VWF: variants seen among roughly 807,000 people sequenced by gnomAD.
VWF encodes Factor VIII related antigen.
A neutral mutation model predicts 308.6 loss-of-function variants in VWF; 176 were observed. The observed-to-expected ratio is 0.57, with a 90% CI of 0.50 to 0.65. The LOEUF (loss-of-function observed/expected upper bound fraction) is 0.65. Ranked by LOEUF, VWF falls within the 30% of genes least tolerant of loss-of-function variation. The probability of loss-of-function intolerance (pLI) is 0.00; values close to 1 mark genes in which losing one functional copy is unlikely to be tolerated. For missense variants in VWF, 3,146 were observed against 3,648.2 expected (o/e 0.86, Z 3.55); for synonymous variants, 1,385 against 1,443.4 (o/e 0.96, Z 0.92).
chr12:5,994,629 C>A, intron 35 of VWF, 22 bp from the exon 36 acceptor site: 1 of 1,612,114 alleles, frequency 6.2e-7, no homozygotes, highest in Non-Finnish European at 8.5e-7. Flanking sequence ...AGAAAGAGCT[C>A]ATCCGTAGTC....
At position 6,110,931 on chromosome 12, in the gene VWF, C is replaced by G. The variant is rs768147964; in HGVS notation, c.258G>C (p.Val86=). The change falls in exon 4 of 52, where the codon GTG becomes GTC. Residue 86 remains valine, a synonymous_variant. Coordinates refer to ENST00000261405, the MANE Select transcript of VWF (RefSeq NM_000552.5). The part of the protein sequence containing the change: ...FQNGKRVSLS[V]YLGEFFDIHL... ...GGATGTCAAAAAATTCCCCAAGATA[C>G]ACGGAGAGGCTCACTCTCTTGCCAT... 1 of 1,614,166 alleles carries G rather than the reference C, an allele frequency of 6.2e-7. No individual in the cohort carries two copies. The highest frequency in any genetic ancestry group is 8.5e-7 in the Non-Finnish European group (1 of 1,180,026).
chr12:6,110,325 TAAA>T lies in VWF; in HGVS notation c.532+46_532+48del, dbSNP rs556622594. The T allele has an allele frequency of 1.1e-4, 169 of 1,593,894 alleles. 2 individuals are homozygous for T. The African/African-American group carries it at 2.0e-3, about 19-fold the overall frequency. The stretch of plus-strand genomic sequence containing the variant: ...TAGTGAAGGTTTATGAGCAAGGAAA[TAAA>T]AAGCATGGCCACACTTTAGGGAAAT... On this transcript the variant is annotated intron_variant, in intron 5 of 51. Transcript: ENST00000261405.
At chr12:5,973,438 A>G (rs1232924149) in intron 43 of VWF, among the ~76,000 whole-genome samples, 1 of 152,238 alleles carries the variant, frequency 6.6e-6, no homozygotes, top group Non-Finnish European at 1.5e-5. Flanking sequence ...CACAATTGCT[A>G]TAACTGAAAT....
intron 20 of VWF, among the ~76,000 whole-genome samples, chr12:6,032,569 C>T (rs568380279): frequency 2.7e-5 from 4 of 150,842 alleles, no homozygotes; most frequent in African/African-American, 4.9e-5. Context: ...ATCGAGGAGG[C>T]GGAGCTTGCA....
intron 15 of VWF, among the ~76,000 whole-genome samples, 183 bp from the exon 16 acceptor site, chr12:6,052,966 C>T (rs1012937064): frequency 3.3e-5 from 5 of 152,188 alleles, no homozygotes; most frequent in Admixed American, 2.0e-4. Context: ...GTACCCTTTA[C>T]CCAGTTTTCC....
In VWF at chr12:6,011,676, G is replaced by C. The variant is rs543952558; in HGVS notation, c.5783C>G (p.Pro1928Arg). 1.0e-4 allele frequency: 166 copies of C among 1,613,802 alleles called. 4 individuals carry two copies. In the South Asian group the frequency reaches 1.7e-3, roughly 17 times the overall value. Residue 1928 changes from proline to arginine, a missense_variant, in exon 34 of 52, where the codon CCT (proline) becomes CGT (arginine). By Grantham distance (103) the Pro-to-Arg change is moderately radical (BLOSUM62 -2). This residue lies in a region of VWF where 853 missense variants were observed against 1,177.8 expected (regional missense o/e 0.72). Coordinates refer to ENST00000261405, the MANE Select transcript of VWF (RefSeq NM_000552.5). The part of the protein sequence containing the change: ...NCDRGLRPSC[P>R]NSQSPVKVEE... ...CACTTTAACAGGGGACTGGCTGTTAGGGCACGAAGGCCTCAGCCCCCGGTC... is the reference window on the plus strand; with the variant it reads ...CACTTTAACAGGGGACTGGCTGTTACGGCACGAAGGCCTCAGCCCCCGGTC...
chr12:6,094,627 A>T (rs1945084649), intron 6 of VWF, among the ~76,000 whole-genome samples: 1 of 152,142 alleles, frequency 6.6e-6, no homozygotes, highest in Non-Finnish European at 1.5e-5. Flanking sequence ...GCCTTTTAGG[A>T]AGTGATGAAG....
intron 6 of VWF, among the ~76,000 whole-genome samples, chr12:6,092,515 T>TTG (rs66551998): frequency 0.41 from 54,585 of 131,790 alleles, 12,110 homozygotes; most frequent in Non-Finnish European, 0.52. Flanking sequence ...TAGTATGTGT[T>TTG]TGTCTGTGTG....
intron 5 of VWF, among the ~76,000 whole-genome samples, chr12:6,108,644 T>G (rs2136519570): frequency 1.3e-5 from 2 of 151,826 alleles, no homozygotes; most frequent in East Asian, 3.9e-4. Flanking sequence ...GGCCACAATT[T>G]TTTAACCAAA....
rs1944832035 is a variant in VWF, at chr12:6,075,458, C to T, written c.751G>A (p.Glu251Lys). ...VDPEPFVALC[E>K]KTLCECAGGL... The stretch of plus-strand genomic sequence containing the variant: ...CCAGCACACTCACACAAAGTCTTCT[C>T]ACACAGGGCCACAAAAGGCTCGGGG... The change falls in exon 7 of 52, where the codon GAG (glutamate) becomes AAG (lysine). Residue 251 changes from glutamate to lysine, a missense_variant. Transcript: ENST00000261405. This position sits in a 1 kb window ranked among gnomAD's most constrained non-coding sequence, Gnocchi z 4.7. 6.2e-7 allele frequency: 1 copy of T among 1,614,118 alleles called. No homozygotes were observed. The highest frequency in any genetic ancestry group is 8.5e-7 in the Non-Finnish European group (1 of 1,180,044).
intron 7 of VWF, among the ~76,000 whole-genome samples, chr12:6,074,793 A>G (rs1253464481): frequency 6.6e-6 from 1 of 152,344 alleles, no homozygotes; most frequent in East Asian, 1.9e-4. Context: ...GACAGTGACC[A>G]TAACTAGGCA....
chr12:5,991,731 T>C, intron 38 of VWF, 88 bp downstream of exon 38: 1 of 1,441,226 alleles, frequency 6.9e-7, no homozygotes, highest in Non-Finnish European at 9.7e-7. Context: ...CTGCCACAGT[T>C]GGAAGAGGCC....
At chr12:6,010,253 G>A (rs1406558876) in intron 34 of VWF, among the ~76,000 whole-genome samples, 2 of 152,128 alleles carry the variant, frequency 1.3e-5, no homozygotes, top group African/African-American at 2.4e-5. Context: ...TTAGAGAAAT[G>A]AATTTCAAGT....
At chr12:6,050,776 C>T (rs7955254) in intron 16 of VWF, among the ~76,000 whole-genome samples, 3,106 of 151,996 alleles carry the variant, frequency 0.02, 102 homozygotes, top group African/African-American at 0.07. Context: ...CCTGACATGG[C>T]GAAACCCCGT....
intron 20 of VWF, 73 bp from the exon 21 acceptor site, chr12:6,031,651 CTT>C: frequency 1.2e-6 from 2 of 1,610,698 alleles, no homozygotes; most frequent in Admixed American, 1.7e-5. Flanking sequence ...ATTGGCATCT[CTT>C]CATCACAGGC....
In VWF at chr12:6,082,005, C is replaced by G. The variant is rs1486661452; in HGVS notation, c.658-6454G>C. ...TTTTTGAAACGCAGTCTCGCTCTGT[C>G]GCCCAGGCTGGAGTGCAGTGGCACA... On this transcript the variant is annotated intron_variant, in intron 6 of 51. Coordinates refer to ENST00000261405, the MANE Select transcript of VWF (RefSeq NM_000552.5). Among the ~76,000 whole-genome samples, 8 of 151,450 alleles carry G rather than the reference C, an allele frequency of 5.3e-5. No individual in the cohort carries two copies. In the South Asian group the frequency reaches 1.0e-3, roughly 20 times the overall value.
chr12:5,949,556 T>C (rs1943155116), intron 51 of VWF, among the ~76,000 whole-genome samples: 1 of 152,186 alleles, frequency 6.6e-6, no homozygotes, highest in Admixed American at 6.5e-5. Flanking sequence ...TAACTCTCCA[T>C]TTTCTGTAAA....
intron 6 of VWF, among the ~76,000 whole-genome samples, chr12:6,092,618 AGTGTGTGTGTGT>A (rs752209524): frequency 0.014 from 931 of 66,162 alleles, 21 homozygotes; most frequent in East Asian, 0.028. Flanking sequence ...AGTGAGTGAG[AGTGTGTGTGTGT>A]GTGTGTGTGT....
At chr12:6,098,741 T>G (rs979853939) in intron 5 of VWF, among the ~76,000 whole-genome samples, 3 of 151,348 alleles carry the variant, frequency 2.0e-5, no homozygotes, top group Non-Finnish European at 4.4e-5. Context: ...ATGGCACCAC[T>G]GCACTCCAGC....
Sources: gnomAD v4.1 joint callset for allele counts (sites outside exome capture counted in the v4.1 genomes callset) on GRCh38, gnomAD v4.1.1 for gene constraint, gnomAD v4.1.1 regional missense constraint, Gnocchi (gnomAD v3.1) non-coding constraint, MANE v1.5 for transcripts, NCBI Gene and HGNC (gene_info 2026-07-23, HGNC 2026-07-21) for gene names.